Variants in PGM2L1 observed in about 807,000 individuals in gnomAD.
The protein encoded by PGM2L1 is glucose 1,6-bisphosphate synthase.
In PGM2L1, 35 loss-of-function variants were observed where a neutral mutation model predicts 73.4. That is an observed-to-expected ratio of 0.48 (90% CI 0.36 to 0.63). The LOEUF is 0.63. PGM2L1 is among the 30% of genes least tolerant of loss of function. PGM2L1 has a pLI of 0.00. For synonymous variants in PGM2L1, 225 were observed against 253.8 expected (o/e 0.89, Z 1.08); for missense variants, 570 against 742.0 (o/e 0.77, Z 2.69).
At chr11:74,366,744 C>T (rs1862666351) in intron 5 of PGM2L1, among the ~76,000 whole-genome samples, 1 of 151,934 alleles carries the variant, frequency 6.6e-6, no homozygotes, top group Admixed American at 6.6e-5. Context: ...GACTGGAATG[C>T]AGTGAGCGCA....
intron 1 of PGM2L1, among the ~76,000 whole-genome samples, chr11:74,379,930 A>C (rs1212031412): frequency 6.6e-6 from 1 of 152,176 alleles, no homozygotes; most frequent in Non-Finnish European, 1.5e-5. Context: ...CTGTCTAAAA[A>C]AAAATCCCAA....
chr11:74,398,339 G>A lies in PGM2L1; in HGVS notation c.-178C>T, dbSNP rs888195726. ...CGGCGTCAGGGAACCGGGAGAGAGG[G>A]GGTTTATGGCCGCCTGCTCCCCAGC... On this transcript the variant is annotated 5_prime_UTR_variant, in exon 1 of 14. Transcript: ENST00000298198. 21 of 996,898 alleles carry A rather than the reference G, an allele frequency of 2.1e-5. No homozygotes were observed. Among genetic ancestry groups the A allele is most frequent in the Non-Finnish European group, 2.8e-5 (21 of 737,606 alleles). 61.8% of individuals were successfully genotyped at this position (996,898 alleles called of 1,614,324 possible).
At chr11:74,346,332 C>T (rs1049274782) in intron 8 of PGM2L1, among the ~76,000 whole-genome samples, 4 of 132,186 alleles carry the variant, frequency 3.0e-5, no homozygotes, top group Admixed American at 1.5e-4. Context: ...GAAATAACTA[C>T]ATCATAAAGC....
chr11:74,376,335 C>G (rs979587125), intron 1 of PGM2L1, among the ~76,000 whole-genome samples: 1 of 152,026 alleles, frequency 6.6e-6, no homozygotes, highest in East Asian at 1.9e-4. Flanking sequence ...AAAGCCTACA[C>G]CATCTCACTA....
In PGM2L1 at chr11:74,330,598, GAAC is replaced by G. The variant is rs1459278012; in HGVS notation, c.*6051_*6053del. 1.3e-5 allele frequency: 2 copies of G among 152,626 alleles called. No individual in the cohort carries two copies. The highest frequency in any genetic ancestry group is 4.8e-5 in the African/African-American group (2 of 41,454). The allele number at this position is 152,626 out of a possible 1,614,324, so 9.5% of individuals were successfully genotyped here. A position where few individuals can be genotyped will look rare whatever the true frequency, so the allele number is the denominator to read the frequency against. On this transcript the variant is annotated 3_prime_UTR_variant, in exon 14 of 14. Transcript: ENST00000298198. Reference sequence around the variant, plus strand: ...CATACAAAGAGTTTATTCTAGCCTAGAACAACAAGGCCTCACCATACATAGAAG... The same window carrying G: ...CATACAAAGAGTTTATTCTAGCCTAGAACAAGGCCTCACCATACATAGAAG...
chr11:74,397,851 G>A, intron 1 of PGM2L1, 200 bp downstream of exon 1: 1 of 774,758 alleles, frequency 1.3e-6, no homozygotes, highest in Non-Finnish European at 1.8e-6. Context: ...AGAAGGAAGC[G>A]ATGCAGATGT....
intron 6 of PGM2L1, among the ~76,000 whole-genome samples, chr11:74,349,097 G>T (rs1862310550): frequency 6.6e-6 from 1 of 152,132 alleles, no homozygotes; most frequent in Non-Finnish European, 1.5e-5. Flanking sequence ...TAGTGATTTT[G>T]AAAATTCTGT....
At chr11:74,346,667 G>GTC in intron 8 of PGM2L1, 65 bp downstream of exon 8, 1 of 1,282,036 alleles carries the variant, frequency 7.8e-7, no homozygotes, top group Non-Finnish European at 1.1e-6. Context: ...CAATGAGCCT[G>GTC]TAAGACTTAA....
intron 1 of PGM2L1, among the ~76,000 whole-genome samples, chr11:74,380,793 A>G (rs1862931540): frequency 6.6e-6 from 1 of 152,198 alleles, no homozygotes; most frequent in Non-Finnish European, 1.5e-5. Flanking sequence ...CATATAAGGT[A>G]GTCAACATAA....
intron 4 of PGM2L1, among the ~76,000 whole-genome samples, chr11:74,368,855 G>T (rs906676934): frequency 1.3e-5 from 2 of 151,758 alleles, no homozygotes; most frequent in Admixed American, 6.6e-5. Flanking sequence ...ATTCATTAAG[G>T]CTATACATTT....
At chr11:74,359,456 T>C (rs898672547) in intron 5 of PGM2L1, among the ~76,000 whole-genome samples, 2 of 151,930 alleles carry the variant, frequency 1.3e-5, no homozygotes, top group Non-Finnish European at 2.9e-5. Context: ...CACATACATA[T>C]TTTTTTCTTA....
intron 1 of PGM2L1, among the ~76,000 whole-genome samples, chr11:74,393,939 A>G (rs933351152): frequency 6.6e-6 from 1 of 151,200 alleles, no homozygotes; most frequent in Admixed American, 6.6e-5. Context: ...TGGGCCAGCA[A>G]AACTGGTCTA....
At chr11:74,390,051 A>T (rs1863075619) in intron 1 of PGM2L1, among the ~76,000 whole-genome samples, 1 of 147,734 alleles carries the variant, frequency 6.8e-6, no homozygotes, top group Non-Finnish European at 1.5e-5. Context: ...CCCGGGAGGC[A>T]GAGCTTGCAG....
chr11:74,383,824 A>AATATATATATAGATATATATATATATAT (rs1862983244), intron 1 of PGM2L1, among the ~76,000 whole-genome samples: 1 of 121,836 alleles, frequency 8.2e-6, no homozygotes, highest in Non-Finnish European at 1.7e-5. Flanking sequence ...TATATAAATA[A>AATATATATATAGATATATATATATATAT]ATATATATAT....
intron 2 of PGM2L1, among the ~76,000 whole-genome samples, chr11:74,373,768 TTCTA>T (rs769530208): frequency 1.9e-4 from 29 of 152,252 alleles, no homozygotes; most frequent in Admixed American, 5.9e-4. Context: ...AATTATTTTC[TTCTA>T]TCTAAGTTTG....
rs58950689 is a variant in PGM2L1, at chr11:74,357,469, CAAT to C, written c.556-5896_556-5894del. On this transcript the variant is annotated intron_variant, in intron 5 of 13. Coordinates refer to ENST00000298198, the MANE Select transcript of PGM2L1 (RefSeq NM_173582.6). ...ATCAGAAAAATGGAAATTAAAACAACAATGAGATACTACTGCACACCTATTAGA... is the reference window on the plus strand; with the variant it reads ...ATCAGAAAAATGGAAATTAAAACAACGAGATACTACTGCACACCTATTAGA... Among the ~76,000 whole-genome samples, 612 of 152,274 alleles carry C rather than the reference CAAT, an allele frequency of 4.0e-3. 5 individuals are homozygous for C. The highest frequency in any genetic ancestry group is 0.014 in the African/African-American group (576 of 41,540).
chr11:74,388,090 G>T (rs1863041899), intron 1 of PGM2L1, among the ~76,000 whole-genome samples: 1 of 152,104 alleles, frequency 6.6e-6, no homozygotes, highest in Non-Finnish European at 1.5e-5. Context: ...CTTATATGAG[G>T]TATCTAAAAT....
At chr11:74,387,356 G>T (rs957319245) in intron 1 of PGM2L1, among the ~76,000 whole-genome samples, 1 of 152,068 alleles carries the variant, frequency 6.6e-6, no homozygotes, top group African/African-American at 2.4e-5. Context: ...TTGTGCATAG[G>T]CTTAAAAAAA....
At chr11:74,343,067 C>T (rs1192176753) in intron 10 of PGM2L1, 53 bp from the exon 11 acceptor site, 1 of 1,531,176 alleles carries the variant, frequency 6.5e-7, no homozygotes, top group Non-Finnish European at 8.8e-7. Context: ...GCTATAATTT[C>T]AATAGTTTTA....
Sources: gnomAD v4.1 joint callset for allele counts (sites outside exome capture counted in the v4.1 genomes callset) on GRCh38, gnomAD v4.1.1 for gene constraint, MANE v1.5 for transcripts, NCBI Gene and HGNC (gene_info 2026-07-23, HGNC 2026-07-21) for gene names.